C8orf34: variants seen among roughly 807,000 people sequenced by gnomAD.
C8orf34 encodes uncharacterized protein C8orf34.
Under a neutral mutation model 68.3 loss-of-function variants are expected in C8orf34, and 65 were observed. The ratio of observed to expected loss-of-function variants is 0.95; its 90% confidence interval spans 0.78 to 1.17. The LOEUF (loss-of-function observed/expected upper bound fraction) is 1.17, where lower values mean the gene tolerates loss of function less well. C8orf34 is among the 50% of genes most tolerant of loss of function. C8orf34 has a pLI of 0.00. For synonymous variants in C8orf34, 244 were observed against 241.2 expected, an observed-to-expected ratio of 1.01 and a Z score of -0.11; for missense variants, 664 against 655.4, an observed-to-expected ratio of 1.01 and a Z score of -0.14.
chr8:68,479,599 A>G (rs1193840657), intron 4 of C8orf34, among the ~76,000 whole-genome samples: 1 of 152,180 alleles, frequency 6.6e-6, no homozygotes. Flanking sequence ...AAAAAAACAA[A>G]TGGATATAAG....
chr8:68,651,796 G>A (rs1819367444), intron 8 of C8orf34, among the ~76,000 whole-genome samples: 1 of 152,102 alleles, frequency 6.6e-6, no homozygotes, highest in African/African-American at 2.4e-5. Context: ...TTACCTATTG[G>A]GTACAATAGT....
At chr8:68,739,315 A>G (rs1822213585) in intron 10 of C8orf34, among the ~76,000 whole-genome samples, 1 of 152,120 alleles carries the variant, frequency 6.6e-6, no homozygotes, top group Non-Finnish European at 1.5e-5. Context: ...GCCATATCTG[A>G]CAAACCCACA....
chr8:68,559,481 A>G (rs770074659), intron 7 of C8orf34, among the ~76,000 whole-genome samples: 3 of 152,190 alleles, frequency 2.0e-5, no homozygotes, highest in Non-Finnish European at 4.4e-5. Flanking sequence ...TAGTTTTGCA[A>G]ATTAAAACTG....
At chr8:68,608,147 C>CT (rs1420874896) in intron 7 of C8orf34, among the ~76,000 whole-genome samples, 20 of 152,006 alleles carry the variant, frequency 1.3e-4, no homozygotes, top group African/African-American at 4.8e-4. Flanking sequence ...AACTTGGACT[C>CT]TGTCTTCAAG....
intron 8 of C8orf34, among the ~76,000 whole-genome samples, chr8:68,696,016 T>C (rs1820821276): frequency 6.6e-6 from 1 of 151,896 alleles, no homozygotes; most frequent in South Asian, 2.1e-4. Flanking sequence ...AAGACACTAT[T>C]ATAGGCTGGG....
intron 9 of C8orf34, among the ~76,000 whole-genome samples, chr8:68,713,073 A>T (rs1821369282): frequency 6.6e-6 from 1 of 152,176 alleles, no homozygotes; most frequent in African/African-American, 2.4e-5. Context: ...CTCAATGATC[A>T]TTGGGTCAAC....
At chr8:68,816,861 A>G (rs2129530181) in intron 13 of C8orf34, among the ~76,000 whole-genome samples, 1 of 152,318 alleles carries the variant, frequency 6.6e-6, no homozygotes, top group Admixed American at 6.5e-5. Flanking sequence ...ACCAAAAAAG[A>G]GACTGATTAG....
rs369909727 is a variant in C8orf34 at position 68,732,201 on chromosome 8, C to G, written c.1404+10764C>G. ...ACTATTTTAAAGTTCTTAATACATT[C>G]CAGAGGAAGGCCATTAGGCATATTT... is the stretch of plus-strand genomic sequence containing the variant. On this transcript the variant is annotated intron_variant, in intron 10 of 13. Coordinates refer to ENST00000518698, the MANE Select transcript of C8orf34 (RefSeq NM_052958.4). Among the ~76,000 whole-genome samples the G allele has an allele frequency of 1.4e-4, 21 of 152,202 alleles. 1 individual carries two copies. The highest frequency in any genetic ancestry group is 1.2e-3 in the Admixed American group (18 of 15,292).
chr8:68,527,970 G>A (rs1586323388), intron 6 of C8orf34, among the ~76,000 whole-genome samples: 1 of 152,234 alleles, frequency 6.6e-6, no homozygotes, highest in Non-Finnish European at 1.5e-5. Context: ...AGATCTTGCT[G>A]TCTCCTCCCT....
chr8:68,514,461 G>A (rs978531269), intron 5 of C8orf34, among the ~76,000 whole-genome samples: 4 of 152,176 alleles, frequency 2.6e-5, no homozygotes, highest in African/African-American at 9.7e-5. Context: ...CAGGGCAGCT[G>A]CTTGCATCAG....
chr8:68,653,042 A>G (rs1320935920), intron 8 of C8orf34, among the ~76,000 whole-genome samples: 2 of 152,176 alleles, frequency 1.3e-5, no homozygotes, highest in African/African-American at 2.4e-5. Flanking sequence ...TTTTCTACTA[A>G]AGATCTTTAT....
chr8:68,619,289 G>A (rs1268639572), intron 7 of C8orf34, among the ~76,000 whole-genome samples: 1 of 152,156 alleles, frequency 6.6e-6, no homozygotes, highest in East Asian at 1.9e-4. Flanking sequence ...TCACGCCACT[G>A]CACTCCAGCC....
In C8orf34 at chr8:68,675,194, AAAAC is replaced by A. The variant is rs560791686; in HGVS notation, c.1242-33784_1242-33781del. Among the ~76,000 whole-genome samples, 569 of 152,282 alleles carry A rather than the reference AAAAC, an allele frequency of 3.7e-3. 1 individual carries two copies. The highest frequency in any genetic ancestry group is 5.6e-3 in the Admixed American group (85 of 15,278). ...CTGAAAGAAAAAGATGTTAATAAAC[AAAAC>A]AAACAAACAAACAAAAAATCTGAAG... On this transcript the variant is annotated intron_variant, in intron 8 of 13. Transcript: ENST00000518698.
chr8:68,479,497 T>C (rs1812768876), intron 4 of C8orf34, among the ~76,000 whole-genome samples: 1 of 151,898 alleles, frequency 6.6e-6, no homozygotes, highest in African/African-American at 2.4e-5. Flanking sequence ...AGGGTATTAG[T>C]GGAAACCAAG....
intron 5 of C8orf34, among the ~76,000 whole-genome samples, chr8:68,505,738 CAAAA>C (rs778441254): frequency 7.3e-5 from 5 of 68,348 alleles, no homozygotes; most frequent in Admixed American, 1.8e-4. Context: ...ACTCCGTCTC[CAAAA>C]AAAAAAAAAA....
At chr8:68,362,015 G>C (rs1350094590) in intron 1 of C8orf34, among the ~76,000 whole-genome samples, 2 of 152,146 alleles carry the variant, frequency 1.3e-5, no homozygotes, top group Admixed American at 1.3e-4. Context: ...AAACTGATTT[G>C]GATTTTTTAT....
intron 7 of C8orf34, among the ~76,000 whole-genome samples, chr8:68,600,033 A>G (rs1358416826): frequency 6.6e-6 from 1 of 152,146 alleles, no homozygotes; most frequent in Non-Finnish European, 1.5e-5. Context: ...AATGTGATCA[A>G]TATAATCATC....
intron 8 of C8orf34, among the ~76,000 whole-genome samples, chr8:68,674,442 T>C (rs1820115951): frequency 6.6e-6 from 1 of 152,086 alleles, no homozygotes; most frequent in African/African-American, 2.4e-5. Flanking sequence ...CAAATAAATT[T>C]AACAAAGAGA....
At chr8:68,509,808 C>G (rs749720973) in intron 5 of C8orf34, among the ~76,000 whole-genome samples, 1 of 152,212 alleles carries the variant, frequency 6.6e-6, no homozygotes, top group Non-Finnish European at 1.5e-5. Flanking sequence ...TCCTTGCATG[C>G]CTGAATCCTG....
Sources: gnomAD v4.1 joint callset for allele counts (sites outside exome capture counted in the v4.1 genomes callset) on GRCh38, gnomAD v4.1.1 for gene constraint, MANE v1.5 for transcripts, NCBI Gene and HGNC (gene_info 2026-07-23, HGNC 2026-07-21) for gene names.